Variants in FSD1L observed in about 807,000 individuals in gnomAD.
FSD1L encodes the protein FSD1-like protein.
Under a neutral mutation model 71.6 loss-of-function variants are expected in FSD1L, and 45 were observed. The ratio of observed to expected loss-of-function variants is 0.63; its 90% confidence interval spans 0.49 to 0.81. The LOEUF (loss-of-function observed/expected upper bound fraction) is 0.81. Among genes scored for constraint, FSD1L ranks in the 30% least tolerant of loss-of-function variants. The pLI, the probability that FSD1L is intolerant of heterozygous loss-of-function variation, is 0.00. For synonymous variants in FSD1L, 197 were observed against 207.2 expected (o/e 0.95, Z 0.42); for missense variants, 561 against 618.1 (o/e 0.91, Z 0.98).
chr9:105,546,505 C>G lies in FSD1L; in HGVS notation c.*22C>G. The G allele has an allele frequency of 2.6e-6, 4 of 1,511,838 alleles. No individual in the cohort carries two copies. Among genetic ancestry groups the G allele is most frequent in the Non-Finnish European group, 3.5e-6 (4 of 1,130,788 alleles). The allele number at this position is 1,511,838 out of a possible 1,614,324, so 93.7% of individuals were successfully genotyped here. A position where few individuals can be genotyped will look rare whatever the true frequency, so the allele number is the denominator to read the frequency against. Reference sequence around the variant, plus strand: ...ATAGTGTCTACTCAGAATACGTTTACCCTCCGTCTTGATTAGGTGGCCTTT... The same window carrying G: ...ATAGTGTCTACTCAGAATACGTTTAGCCTCCGTCTTGATTAGGTGGCCTTT... On this transcript the variant is annotated 3_prime_UTR_variant, in exon 14 of 14. Transcript: ENST00000481272.
At chr9:105,457,809 A>G (rs1298941786) in intron 1 of FSD1L, among the ~76,000 whole-genome samples, 1 of 152,218 alleles carries the variant, frequency 6.6e-6, no homozygotes, top group Non-Finnish European at 1.5e-5. Context: ...GCCACTGTGC[A>G]CAGCCTAGCA....
chr9:105,491,971 G>C (rs1228879431), intron 7 of FSD1L, among the ~76,000 whole-genome samples: 2 of 151,920 alleles, frequency 1.3e-5, no homozygotes, highest in Admixed American at 6.6e-5. Flanking sequence ...TTTTTTGGTT[G>C]TGTCTCTGCC....
intron 5 of FSD1L, among the ~76,000 whole-genome samples, chr9:105,478,765 C>G (rs1440052210): frequency 6.6e-6 from 1 of 152,148 alleles, no homozygotes; most frequent in Non-Finnish European, 1.5e-5. Context: ...AAGTATTTCT[C>G]TGGTCTCTTT....
chr9:105,504,665 T>C (rs979833404), intron 7 of FSD1L, among the ~76,000 whole-genome samples: 1 of 152,220 alleles, frequency 6.6e-6, no homozygotes, highest in African/African-American at 2.4e-5. Flanking sequence ...AAAATGGTTA[T>C]TTGCATGTAA....
intron 10 of FSD1L, among the ~76,000 whole-genome samples, chr9:105,529,223 C>T (rs1835730321): frequency 6.6e-6 from 1 of 152,152 alleles, no homozygotes; most frequent in African/African-American, 2.4e-5. Flanking sequence ...GGCGATTCCT[C>T]AAGGATCTAG....
rs914129224 is a variant in FSD1L at position 105,489,726 on chromosome 9, A to G, written c.586+5224A>G. On this transcript the variant is annotated intron_variant, in intron 7 of 13. Transcript: ENST00000481272. The stretch of plus-strand genomic sequence containing the variant: ...TGTGTCCATGTGTTCTCATTGTTCA[A>G]TTCCCACCTATGAGTGAGAATATGC... Among the ~76,000 whole-genome samples the G allele has an allele frequency of 2.9e-4, 44 of 152,234 alleles. 1 individual carries two copies. The highest frequency in any genetic ancestry group is 2.3e-3 in the Admixed American group (35 of 15,286).
At chr9:105,507,762 T>C (rs1390254147) in intron 8 of FSD1L, among the ~76,000 whole-genome samples, 4 of 152,204 alleles carry the variant, frequency 2.6e-5, no homozygotes, top group Non-Finnish European at 2.9e-5. Flanking sequence ...AATACTACTT[T>C]TAATGAGGCC....
At chr9:105,521,439 A>G in intron 10 of FSD1L, 1 of 1,613,914 alleles carries the variant, frequency 6.2e-7, no homozygotes. Flanking sequence ...AGACATTGAA[A>G]TAGTTCGCAG....
chr9:105,544,068 G>A (rs909982559), intron 13 of FSD1L, among the ~76,000 whole-genome samples: 6 of 152,154 alleles, frequency 3.9e-5, no homozygotes, highest in East Asian at 1.9e-4. Context: ...AAGTGTTCCT[G>A]TTTCTCCACA....
Position 105,506,474 on chromosome 9 carries a change from CAGA to C in FSD1L, c.669_671del (p.Glu223del), listed in dbSNP as rs1463800389. 1 of 1,551,104 alleles carries C rather than the reference CAGA, an allele frequency of 6.4e-7. No individual in the cohort carries two copies. Among genetic ancestry groups the C allele is most frequent in the Admixed American group, 2.0e-5 (1 of 50,958 alleles). ...TCTGTAACAGTGGCTTGGAGAATGC[CAGA>C]AGAAGATAATAAGATTGACCATTTT... On this transcript the variant is annotated inframe_deletion, in exon 8 of 14. Transcript: ENST00000481272.
intron 5 of FSD1L, among the ~76,000 whole-genome samples, chr9:105,476,609 A>G (rs1831819561): frequency 6.6e-6 from 1 of 152,146 alleles, no homozygotes; most frequent in Non-Finnish European, 1.5e-5. Flanking sequence ...AAGCTTAGTT[A>G]TATTACTTTA....
chr9:105,461,595 G>C lies in FSD1L; in HGVS notation c.91G>C (p.Glu31Gln), dbSNP rs1474161887. ...GATCTCTAACATCACTATTGGACCA[G>C]AGTCTATTAACTTGCAGCAGGTTGG... The part of the protein sequence containing the change: ...FLISNITIGP[E>Q]SINLQQEALQ... Residue 31 changes from glutamate to glutamine, a missense_variant, in exon 2 of 14, where the codon GAG becomes CAG. Around this residue, in one of 3 missense-constraint regions of FSD1L, gnomAD observed 410 missense variants for 413.5 expected, o/e 0.99. Coordinates refer to ENST00000481272, the MANE Select transcript of FSD1L (RefSeq NM_001145313.3). 2.6e-6 allele frequency: 4 copies of C among 1,550,606 alleles called. No homozygotes were observed. The highest frequency in any genetic ancestry group is 1.4e-5 in the African/African-American group (1 of 73,002).
At chr9:105,504,212 A>G (rs1365036146) in intron 7 of FSD1L, among the ~76,000 whole-genome samples, 1 of 152,248 alleles carries the variant, frequency 6.6e-6, no homozygotes, top group African/African-American at 2.4e-5. Context: ...TTGGCAGTGA[A>G]TAGTCTACAA....
intron 13 of FSD1L, 46 bp from the exon 14 acceptor site, chr9:105,546,312 T>G: frequency 6.7e-7 from 1 of 1,484,926 alleles, no homozygotes. Context: ...ATCACTGAAA[T>G]TCTAGTTTGA....
intron 10 of FSD1L, chr9:105,522,210 A>T (rs1001907166): frequency 2.5e-6 from 4 of 1,613,916 alleles, no homozygotes; most frequent in Non-Finnish European, 3.4e-6. Flanking sequence ...GTCATCGTTG[A>T]CCTATTGGGA....
intron 7 of FSD1L, among the ~76,000 whole-genome samples, chr9:105,498,190 T>TTTATTATTA (rs61620098): frequency 0.13 from 18,882 of 143,236 alleles, 1,323 homozygotes; most frequent in Non-Finnish European, 0.15. Flanking sequence ...TTGCTTTGGC[T>TTTATTATTA]TTATTATTAT....
In FSD1L at chr9:105,521,677, T is replaced by C; in HGVS notation, c.1025+8741T>C. On this transcript the variant is annotated intron_variant, in intron 10 of 13. Coordinates refer to ENST00000481272, the MANE Select transcript of FSD1L (RefSeq NM_001145313.3). ...AATGTCACAGACCATGATATTTCAATGGAAGAAGGAGAAAAAAGAGAAGAG... is the reference window on the plus strand; with the variant it reads ...AATGTCACAGACCATGATATTTCAACGGAAGAAGGAGAAAAAAGAGAAGAG... The C allele has an allele frequency of 4.3e-6, 7 of 1,613,470 alleles. No individual in the cohort carries two copies. The South Asian group carries it at 5.5e-5, about 13-fold the overall frequency.
At chr9:105,488,015 A>G (rs1447498162) in intron 7 of FSD1L, among the ~76,000 whole-genome samples, 1 of 152,106 alleles carries the variant, frequency 6.6e-6, no homozygotes, top group Non-Finnish European at 1.5e-5. Context: ...ATGAACCTAC[A>G]CTGACACATC....
chr9:105,511,889 T>A (rs933144793), intron 9 of FSD1L, among the ~76,000 whole-genome samples: 1 of 152,140 alleles, frequency 6.6e-6, no homozygotes, highest in African/African-American at 2.4e-5. Flanking sequence ...TGTAAAGGGA[T>A]ACTGTATTTC....
Sources: allele counts gnomAD v4.1 joint callset (sites outside exome capture counted in the v4.1 genomes callset), GRCh38; gene constraint gnomAD v4.1.1; regional missense constraint gnomAD v4.1.1; transcripts MANE v1.5; gene names NCBI Gene and HGNC (gene_info 2026-07-23, HGNC 2026-07-21).